The following HOMER1 variants were observed in gnomAD, a reference collection of about 807,000 sequenced individuals.
HOMER1 encodes homer scaffold protein 1.
HOMER1 carries 3 observed loss-of-function variants against 48.9 expected under a neutral mutation model. The observed-to-expected ratio is 0.06, with a 90% CI of 0.03 to 0.16. HOMER1 has a LOEUF of 0.16. Among genes scored for constraint, HOMER1 ranks in the 10% least tolerant of loss-of-function variants. The pLI is 1.00. For synonymous variants in HOMER1, 134 were observed against 146.4 expected (o/e 0.92, Z 0.61); for missense variants, 247 against 411.4 (o/e 0.60, Z 3.46).
At chr5:79,403,468 G>A (rs1478406798) in intron 5 of HOMER1, among the ~76,000 whole-genome samples, 2 of 152,158 alleles carry the variant, frequency 1.3e-5, no homozygotes, top group Non-Finnish European at 2.9e-5. Flanking sequence ...GATTGTGTCT[G>A]TAGTATTCTT....
Position 79,414,027 on chromosome 5 carries a change from A to C in HOMER1, c.528-11972T>G, listed in dbSNP as rs1402781753. On this transcript the variant is annotated intron_variant, in intron 5 of 8. Coordinates refer to ENST00000334082, the MANE Select transcript of HOMER1 (RefSeq NM_004272.5). ...TTTGTCAGCAAGTCATTAACTTACT[A>C]AACACAGTACTTCTTGGGATCCTCT... 6.6e-5 allele frequency among the ~76,000 whole-genome samples: 10 copies of C among 152,262 alleles called. No individual in the cohort carries two copies. The East Asian group carries it at 1.9e-3, about 29-fold the overall frequency.
At chr5:79,469,993 T>C (rs978097125) in intron 1 of HOMER1, among the ~76,000 whole-genome samples, 4 of 152,228 alleles carry the variant, frequency 2.6e-5, no homozygotes, top group Admixed American at 2.0e-4. Flanking sequence ...CCAAATACAT[T>C]TTCTGACTGT....
chr5:79,474,655 T>TG (rs776185368), intron 1 of HOMER1, among the ~76,000 whole-genome samples: 201 of 152,326 alleles, frequency 1.3e-3, no homozygotes, highest in Non-Finnish European at 2.5e-3. Flanking sequence ...ACTCTCATAA[T>TG]GATCTCATCT....
intron 1 of HOMER1, among the ~76,000 whole-genome samples, chr5:79,495,561 G>A (rs1336500569): frequency 2.0e-5 from 3 of 152,148 alleles, no homozygotes; most frequent in Non-Finnish European, 4.4e-5. Context: ...CCAGTGCCTG[G>A]CATGACTCAC....
intron 5 of HOMER1, among the ~76,000 whole-genome samples, chr5:79,421,014 C>G (rs1282286004): frequency 1.3e-5 from 2 of 152,196 alleles, no homozygotes; most frequent in Non-Finnish European, 2.9e-5. Context: ...ATGTATACAA[C>G]ATGCCTACAA....
chr5:79,431,365 A>G (rs1750420667), intron 5 of HOMER1, among the ~76,000 whole-genome samples: 1 of 151,864 alleles, frequency 6.6e-6, no homozygotes. Context: ...GCCAGTCACA[A>G]AGGCCACATA....
rs374254603 is a variant in HOMER1, at chr5:79,439,137, C to T, written c.400G>A (p.Gly134Arg). The T allele has an allele frequency of 1.1e-5, 17 of 1,613,722 alleles. No individual in the cohort carries two copies. Among genetic ancestry groups the T allele is most frequent in the African/African-American group, 2.7e-5 (2 of 74,894 alleles). The change falls in exon 5 of 9, where the codon GGG (glycine) becomes AGG (arginine). Residue 134 changes from glycine to arginine, a missense_variant. Physicochemically the swap from Gly to Arg is moderately radical, Grantham distance 125 (BLOSUM62 -2). Transcript: ENST00000334082. The stretch of plus-strand genomic sequence containing the variant: ...GGTGTTAAAGGAGACTGAAGATCCC[C>T]GCCTGCGGATTCCTTTAAAAAAAGG... ...TSTPSQESAGGDLQSPLTPES... is the reference protein window; with the variant it reads ...TSTPSQESAGRDLQSPLTPES...
intron 8 of HOMER1, among the ~76,000 whole-genome samples, chr5:79,379,074 T>G (rs1748854027): frequency 2.7e-5 from 1 of 36,378 alleles, no homozygotes; most frequent in Non-Finnish European, 4.5e-5. Context: ...TGTCTACCTT[T>G]TGTCCATATA....
intron 6 of HOMER1, among the ~76,000 whole-genome samples, chr5:79,399,836 C>T (rs1422832588): frequency 6.6e-6 from 1 of 152,076 alleles, no homozygotes; most frequent in Non-Finnish European, 1.5e-5. Flanking sequence ...TGGCAGTACA[C>T]TTGGAGTACA....
chr5:79,447,054 T>A lies in HOMER1; in HGVS notation c.386A>T (p.Gln129Leu). 1 of 1,546,910 alleles carries A rather than the reference T, an allele frequency of 6.5e-7. No homozygotes were observed. Among genetic ancestry groups the A allele is most frequent in the Non-Finnish European group, 8.9e-7 (1 of 1,118,604 alleles). ...TAAGAATAGAAATGATATACCCACC[T>A]GTGAAGGTGTACTGGTAAGTTCCAT... is the stretch of plus-strand genomic sequence containing the variant. Reference protein sequence around the residue: ...EKMELTSTPSQESAGGDLQSP... With the variant: ...EKMELTSTPSLESAGGDLQSP... Residue 129 changes from glutamine (Q) to leucine (L), a missense_variant and splice_region_variant, in exon 4 of 9, where the codon CAG becomes CTG. This residue lies in a region of HOMER1 where 94 missense variants were observed against 112.4 expected (regional missense o/e 0.84). Coordinates refer to ENST00000334082, the MANE Select transcript of HOMER1 (RefSeq NM_004272.5).
At chr5:79,408,729 T>A (rs1480022712) in intron 5 of HOMER1, among the ~76,000 whole-genome samples, 1 of 152,154 alleles carries the variant, frequency 6.6e-6, no homozygotes, top group Non-Finnish European at 1.5e-5. Context: ...ACATGGTCCA[T>A]TAAAAAAACT....
chr5:79,511,485 G>A (rs1270271878), intron 1 of HOMER1, among the ~76,000 whole-genome samples: 1 of 152,112 alleles, frequency 6.6e-6, no homozygotes, highest in East Asian at 1.9e-4. Flanking sequence ...TCATTTTACA[G>A]GTAAGAAATA....
chr5:79,394,735 A>C (rs1484979213), intron 8 of HOMER1, among the ~76,000 whole-genome samples: 1 of 152,028 alleles, frequency 6.6e-6, no homozygotes, highest in Non-Finnish European at 1.5e-5. Context: ...AGCTAATTCT[A>C]CTGTTTCATT....
At chr5:79,476,587 G>A (rs1257260744) in intron 1 of HOMER1, among the ~76,000 whole-genome samples, 1 of 152,136 alleles carries the variant, frequency 6.6e-6, no homozygotes, top group Non-Finnish European at 1.5e-5. Context: ...ATAGCTCATA[G>A]AACTCAGGAA....
At chr5:79,379,725 G>A (rs1174360591) in intron 8 of HOMER1, among the ~76,000 whole-genome samples, 1 of 151,478 alleles carries the variant, frequency 6.6e-6, no homozygotes, top group Non-Finnish European at 1.5e-5. Flanking sequence ...GACTACAGAC[G>A]TGAGCCACCA....
intron 5 of HOMER1, among the ~76,000 whole-genome samples, chr5:79,402,345 T>A (rs1749555020): frequency 6.6e-6 from 1 of 152,044 alleles, no homozygotes; most frequent in South Asian, 2.1e-4. Context: ...TTTTTGTATT[T>A]TTTTAGTACA....
At chr5:79,470,883 A>G (rs1751597310) in intron 1 of HOMER1, among the ~76,000 whole-genome samples, 1 of 152,216 alleles carries the variant, frequency 6.6e-6, no homozygotes, top group South Asian at 2.1e-4. Flanking sequence ...CAGTTTATAA[A>G]TAAGTGGATA....
chr5:79,496,334 G>A (rs188463619), intron 1 of HOMER1, among the ~76,000 whole-genome samples: 1 of 152,288 alleles, frequency 6.6e-6, no homozygotes, highest in African/African-American at 2.4e-5. Flanking sequence ...GGAGCACCAG[G>A]AGAAAGGCTG....
At chr5:79,427,691 CTTCCTTTCCTTCCTTCCT>C (rs1750301891) in intron 5 of HOMER1, among the ~76,000 whole-genome samples, 1 of 85,762 alleles carries the variant, frequency 1.2e-5, no homozygotes, top group African/African-American at 6.8e-5. Flanking sequence ...CCTTCCCTTC[CTTCCTTTCCTTCCTTCCT>C]TTCCTTCCCT....
Sources: gnomAD v4.1 joint callset for allele counts (sites outside exome capture counted in the v4.1 genomes callset) on GRCh38, gnomAD v4.1.1 for gene constraint, gnomAD v4.1.1 regional missense constraint, MANE v1.5 for transcripts, NCBI Gene and HGNC (gene_info 2026-07-23, HGNC 2026-07-21) for gene names.